MED22: variants seen among roughly 807,000 people sequenced by gnomAD.
The protein encoded by MED22 is mediator complex subunit 22.
MED22 carries 22 observed loss-of-function variants against 22.7 expected under a neutral mutation model. The observed-to-expected ratio is 0.97, with a 90% CI of 0.69 to 1.38. The LOEUF is 1.38. Among genes scored for constraint, MED22 ranks in the 40% most tolerant of loss-of-function variants. The pLI, the probability that MED22 is intolerant of heterozygous loss-of-function variation, is 0.00. For missense variants in MED22, 247 were observed against 263.0 expected (o/e 0.94, Z 0.42); for synonymous variants, 134 against 119.4 (o/e 1.12, Z -0.80).
In MED22 at chr9:133,348,112, A is replaced by AT. The variant is rs1390399628; in HGVS notation, c.-230dup. 2 of 1,370,466 alleles carry AT rather than the reference A, an allele frequency of 1.5e-6. No individual in the cohort carries two copies. Among genetic ancestry groups the AT allele is most frequent in the East Asian group, 2.3e-5 (1 of 43,308 alleles). 84.9% of individuals were successfully genotyped at this position (1,370,466 alleles called of 1,614,324 possible). ...GCCGCAGCCTCTCGGCCCCGCCTCGATTTTTAGCTTTATAGGAATGCTGTT... is the reference window on the plus strand; with the variant it reads ...GCCGCAGCCTCTCGGCCCCGCCTCGATTTTTTAGCTTTATAGGAATGCTGTT... On this transcript the variant is annotated 5_prime_UTR_variant, in exon 1 of 5. Coordinates refer to ENST00000343730, the MANE Select transcript of MED22 (RefSeq NM_133640.5).
chr9:133,344,970 T>C (rs1252201954), intron 3 of MED22, among the ~76,000 whole-genome samples: 1 of 151,996 alleles, frequency 6.6e-6, no homozygotes, highest in African/African-American at 2.4e-5. Context: ...GAGGACAGTC[T>C]CCTGAGAAAT....
intron 4 of MED22, chr9:133,342,202 C>T (rs1013316034): frequency 2.9e-5 from 29 of 988,344 alleles, no homozygotes; most frequent in Middle Eastern, 5.1e-4. Context: ...TGGCACTTCC[C>T]GATAGCCCTA....
chr9:133,343,633 T>G, intron 4 of MED22: 2 of 1,246,726 alleles, frequency 1.6e-6, no homozygotes, highest in Non-Finnish European at 2.0e-6. Flanking sequence ...TTCCCATGAC[T>G]GTCCCTGCCT....
In MED22 at chr9:133,341,743, G is replaced by A. The variant is rs2129950763; in HGVS notation, c.414-49C>T. 3.0e-5 allele frequency: 47 copies of A among 1,583,110 alleles called. 1 individual carries two copies. The South Asian group carries it at 4.5e-4, about 15-fold the overall frequency. Reference sequence around the variant, plus strand: ...GGGAGAGACAGGAGCAGGCAGAGAGGAAAGCCAGGGGAGGGGAGAGCAAGA... The same window carrying A: ...GGGAGAGACAGGAGCAGGCAGAGAGAAAAGCCAGGGGAGGGGAGAGCAAGA... On this transcript the variant is annotated intron_variant, in intron 4 of 4. Coordinates refer to ENST00000343730, the MANE Select transcript of MED22 (RefSeq NM_133640.5).
At position 133,344,189 on chromosome 9, in the gene MED22, T is replaced by C; in HGVS notation, c.349A>G (p.Ile117Val). Reference protein sequence around the residue: ...TLQEECDRKLITLRDEISIDL... With the variant: ...TLQEECDRKLVTLRDEISIDL... ...ATGGAGATCTCGTCTCGCAGCGTGA[T>C]GAGCTTCCGGTCGCACTCCTCCTGC... The change falls in exon 4 of 5, where the codon ATC (isoleucine) becomes GTC (valine). Residue 117 changes from isoleucine (I) to valine (V), a missense_variant. Physicochemically the swap from Ile to Val is conservative, Grantham distance 29. Coordinates refer to ENST00000343730, the MANE Select transcript of MED22 (RefSeq NM_133640.5). The C allele has an allele frequency of 6.2e-7, 1 of 1,614,074 alleles. No homozygotes were observed. The highest frequency in any genetic ancestry group is 1.7e-5 in the Admixed American group (1 of 60,020).
In MED22 at chr9:133,340,944, A is replaced by G. The variant is rs1835985208; in HGVS notation, c.*561T>C. The G allele has an allele frequency of 6.6e-6, 1 of 152,536 alleles. No individual in the cohort carries two copies. Among genetic ancestry groups the G allele is most frequent in the Non-Finnish European group, 1.5e-5 (1 of 68,246 alleles). 9.4% of individuals were successfully genotyped at this position (152,536 alleles called of 1,614,324 possible). ...GGTGTTTTAATCAAGTCTCATTACA[A>G]CGGCAGAATTAGGAATGAGTCCCAC... On this transcript the variant is annotated 3_prime_UTR_variant, in exon 5 of 5. Coordinates refer to ENST00000343730, the MANE Select transcript of MED22 (RefSeq NM_133640.5).
rs1201060146 is a variant in MED22, at chr9:133,346,840, C to A, written c.-38-140G>T. ...TCAATCACTGAAACACAGATGAACT[C>A]ATTCCATCAGCAGACACCGCAGGGG... On this transcript the variant is annotated intron_variant, in intron 1 of 4. Coordinates refer to ENST00000343730, the MANE Select transcript of MED22 (RefSeq NM_133640.5). The A allele has an allele frequency of 6.1e-6, 5 of 822,600 alleles. No individual in the cohort carries two copies. The African/African-American group carries it at 8.7e-5, about 14-fold the overall frequency. 51.0% of individuals were successfully genotyped at this position (822,600 alleles called of 1,614,324 possible).
intron 2 of MED22, chr9:133,346,279 A>T: frequency 2.1e-6 from 1 of 472,510 alleles, no homozygotes; most frequent in Non-Finnish European, 3.9e-6. Flanking sequence ...TGTTTTACAC[A>T]GATAAACTCA....
At chr9:133,347,361 C>CA (rs1333112816) in intron 1 of MED22, 1 of 152,192 alleles carries the variant, frequency 6.6e-6, no homozygotes, top group African/African-American at 2.4e-5. Context: ...ACTAAAAATA[C>CA]AAAAATTAGC....
chr9:133,343,071 G>A (rs1046527935), intron 4 of MED22: 16 of 994,298 alleles, frequency 1.6e-5, no homozygotes, highest in South Asian at 1.4e-4. Context: ...GAGTTAATGA[G>A]TACTGGGGAC....
At chr9:133,343,581 TG>T in intron 4 of MED22, 2 of 1,242,680 alleles carry the variant, frequency 1.6e-6, no homozygotes, top group Non-Finnish European at 2.0e-6. Flanking sequence ...GGAGCTCCAA[TG>T]GCTTTCAAGG....
At chr9:133,344,365 G>A in intron 3 of MED22, 32 bp from the exon 4 acceptor site, 1 of 1,610,334 alleles carries the variant, frequency 6.2e-7, no homozygotes, top group Non-Finnish European at 8.5e-7. Context: ...CGGGCACAGG[G>A]TGAGGGGGGA....
chr9:133,344,712 G>C (rs1836130932), intron 3 of MED22, among the ~76,000 whole-genome samples: 1 of 152,186 alleles, frequency 6.6e-6, no homozygotes, highest in African/African-American at 2.4e-5. Context: ...AGCTCCTGTG[G>C]GACCTTTTTC....
intron 1 of MED22, 147 bp downstream of exon 1, chr9:133,347,775 T>G (rs2129973631): frequency 4.8e-6 from 1 of 206,392 alleles, no homozygotes; most frequent in East Asian, 1.6e-4. Flanking sequence ...ACTCGCATTG[T>G]TTGTGCCCAT....
In MED22 at chr9:133,339,622, A is replaced by T. The variant is rs911497712; in HGVS notation, c.*1883T>A. 2.4e-6 allele frequency: 1 copy of T among 408,954 alleles called. No individual in the cohort carries two copies. The highest frequency in any genetic ancestry group is 4.5e-6 in the Non-Finnish European group (1 of 222,262). The allele number at this position is 408,954 out of a possible 1,614,324, so 25.3% of individuals were successfully genotyped here. A position where few individuals can be genotyped will look rare whatever the true frequency, so the allele number is the denominator to read the frequency against. Reference sequence around the variant, plus strand: ...TGGTTGTGGTGATGGACGAAGGAGAATGTGCTCAGAGAGGCAAACTGACAA... The same window carrying T: ...TGGTTGTGGTGATGGACGAAGGAGATTGTGCTCAGAGAGGCAAACTGACAA... On this transcript the variant is annotated 3_prime_UTR_variant, in exon 5 of 5. Coordinates refer to ENST00000343730, the MANE Select transcript of MED22 (RefSeq NM_133640.5).
Position 133,346,676 on chromosome 9 carries a change from G to A in MED22, c.-14C>T, listed in dbSNP as rs2129969550. On this transcript the variant is annotated 5_prime_UTR_variant, in exon 2 of 5. Coordinates refer to ENST00000343730, the MANE Select transcript of MED22 (RefSeq NM_133640.5). Reference sequence around the variant, plus strand: ...CTGCTGGGCCATGGCCGAGCCTCAAGCAGCGCAGCGGGGAGACCTGGGACC... The same window carrying A: ...CTGCTGGGCCATGGCCGAGCCTCAAACAGCGCAGCGGGGAGACCTGGGACC... The A allele has an allele frequency of 1.6e-5, 25 of 1,609,780 alleles. No individual in the cohort carries two copies. In the Admixed American group the frequency reaches 3.5e-4, roughly 23 times the overall value.
At chr9:133,342,188 G>A in intron 4 of MED22, 1 of 989,398 alleles carries the variant, frequency 1.0e-6, no homozygotes, top group African/African-American at 1.7e-5. Flanking sequence ...GGGAACACAG[G>A]CCCTGGCACT....
intron 4 of MED22, 129 bp from the exon 5 acceptor site, chr9:133,341,823 C>G: frequency 6.9e-7 from 1 of 1,443,150 alleles, no homozygotes; most frequent in Non-Finnish European, 9.0e-7. Context: ...TTCCCTTTCT[C>G]CACTCCTGCT....
chr9:133,342,044 A>T lies in MED22; in HGVS notation c.414-350T>A, dbSNP rs2129951900. 4.2e-5 allele frequency: 46 copies of T among 1,107,242 alleles called. No individual in the cohort carries two copies. In the African/African-American group the frequency reaches 7.3e-4, roughly 18 times the overall value. 68.6% of individuals were successfully genotyped at this position (1,107,242 alleles called of 1,614,324 possible). A position where few individuals can be genotyped will look rare whatever the true frequency, so the allele number is the denominator to read the frequency against. ...CCCCCTCCTCTTGCAAAAAGCTGTC[A>T]GCCTGGCCACCCTCCCTCCTCCCTG... On this transcript the variant is annotated intron_variant, in intron 4 of 4. Transcript: ENST00000343730.
Sources: allele counts gnomAD v4.1 joint callset (sites outside exome capture counted in the v4.1 genomes callset), GRCh38; gene constraint gnomAD v4.1.1; transcripts MANE v1.5; gene names NCBI Gene and HGNC (gene_info 2026-07-23, HGNC 2026-07-21).